DCLK1: variants seen among roughly 807,000 people sequenced by gnomAD.
DCLK1 encodes serine/threonine-protein kinase DCLK1.
DCLK1 carries 16 observed loss-of-function variants against 86.2 expected under a neutral mutation model. The observed-to-expected ratio is 0.19, with a 90% confidence interval of 0.13 to 0.28. The LOEUF is 0.28. DCLK1 is among the 10% of genes least tolerant of loss of function. DCLK1 has a pLI of 1.00. For synonymous variants in DCLK1, 369 were observed against 370.5 expected (o/e 1.00, Z 0.05); for missense variants, 590 against 940.2 (o/e 0.63, Z 4.87).
intron 5 of DCLK1, among the ~76,000 whole-genome samples, chr13:35,860,827 G>A (rs534802891): frequency 2.6e-5 from 4 of 152,318 alleles, no homozygotes; most frequent in East Asian, 1.9e-4. Context: ...TGGACAGCGA[G>A]GTGATCCGGG....
intron 3 of DCLK1, among the ~76,000 whole-genome samples, chr13:36,077,971 T>C (rs985264275): frequency 6.6e-6 from 1 of 152,234 alleles, no homozygotes; most frequent in Non-Finnish European, 1.5e-5. Flanking sequence ...TTTAGTAAGA[T>C]AGTCCTCTGG....
chr13:36,091,808 C>G (rs971074003), intron 3 of DCLK1, among the ~76,000 whole-genome samples: 1 of 152,182 alleles, frequency 6.6e-6, no homozygotes, highest in Non-Finnish European at 1.5e-5. Context: ...CGATAGCTAT[C>G]CATTTCCCCC....
In DCLK1 at chr13:35,822,719, T is replaced by C. The variant is rs1448536322; in HGVS notation, c.1554+10A>G. The C allele has an allele frequency of 5.6e-6, 9 of 1,614,102 alleles. No homozygotes were observed. Among genetic ancestry groups the C allele is most frequent in the Non-Finnish European group, 5.9e-6 (7 of 1,179,992 alleles). On this transcript the variant is annotated intron_variant, in intron 11 of 16. Coordinates refer to ENST00000360631, the MANE Select transcript of DCLK1 (RefSeq NM_001330071.2). ...AACTCAGGATGCCCTGTAGGTGGAA[T>C]TCCTCTTACCAGCAGGTTCTCTGGC...
At chr13:35,896,189 T>G (rs773667718) in intron 4 of DCLK1, among the ~76,000 whole-genome samples, 9 of 152,192 alleles carry the variant, frequency 5.9e-5, no homozygotes, top group Non-Finnish European at 1.2e-4. Context: ...CAGAGAGACT[T>G]TGCTTAGACT....
chr13:35,804,689 TC>T (rs764544266), intron 15 of DCLK1, among the ~76,000 whole-genome samples: 37 of 152,270 alleles, frequency 2.4e-4, no homozygotes, highest in Non-Finnish European at 5.0e-4. Flanking sequence ...GGCCTCAGCC[TC>T]CCAAAGTGCT....
At chr13:35,942,920 C>T (rs775965096) in intron 4 of DCLK1, among the ~76,000 whole-genome samples, 3 of 152,108 alleles carry the variant, frequency 2.0e-5, no homozygotes, top group Non-Finnish European at 2.9e-5. Context: ...AAGGACAGAT[C>T]CAAACAAATA....
At chr13:35,927,232 C>G (rs1566606421) in intron 4 of DCLK1, among the ~76,000 whole-genome samples, 1 of 152,212 alleles carries the variant, frequency 6.6e-6, no homozygotes, top group Admixed American at 6.5e-5. Flanking sequence ...GTCTACTCTA[C>G]AAGCAAATGA....
chr13:35,928,007 C>T (rs139314798), intron 4 of DCLK1, among the ~76,000 whole-genome samples: 4 of 152,310 alleles, frequency 2.6e-5, no homozygotes, highest in African/African-American at 9.6e-5. Flanking sequence ...CAGACCTTAC[C>T]CCTGTCTGTC....
At chr13:35,796,895 G>C (rs1292234179) in intron 15 of DCLK1, among the ~76,000 whole-genome samples, 1 of 152,180 alleles carries the variant, frequency 6.6e-6, no homozygotes, top group Non-Finnish European at 1.5e-5. Flanking sequence ...ACAAACCAGA[G>C]AATATTTGGA....
At chr13:35,961,248 G>C (rs1389557551) in intron 3 of DCLK1, among the ~76,000 whole-genome samples, 1 of 152,142 alleles carries the variant, frequency 6.6e-6, no homozygotes, top group African/African-American at 2.4e-5. Flanking sequence ...GACATGTCAG[G>C]CCCAATGCAA....
At chr13:36,062,432 A>C (rs1883585036) in intron 3 of DCLK1, among the ~76,000 whole-genome samples, 1 of 152,150 alleles carries the variant, frequency 6.6e-6, no homozygotes, top group Non-Finnish European at 1.5e-5. Flanking sequence ...ATCAAACACA[A>C]AACAGGTGGA....
At chr13:35,838,225 G>A (rs935025342) in intron 7 of DCLK1, among the ~76,000 whole-genome samples, 1 of 152,140 alleles carries the variant, frequency 6.6e-6, no homozygotes, top group East Asian at 1.9e-4. Flanking sequence ...AAATTCTGAA[G>A]TTGCATTGTA....
chr13:36,092,593 TCTC>T (rs1339811143), intron 3 of DCLK1, among the ~76,000 whole-genome samples: 1 of 147,628 alleles, frequency 6.8e-6, no homozygotes, highest in Non-Finnish European at 1.5e-5. Flanking sequence ...TTCACGCCAT[TCTC>T]CTGCCTCAGC....
At chr13:35,876,152 A>G (rs980910119) in intron 4 of DCLK1, among the ~76,000 whole-genome samples, 9 of 152,228 alleles carry the variant, frequency 5.9e-5, no homozygotes, top group Admixed American at 5.2e-4. Context: ...AATGTTTAGT[A>G]TATCAGAAAA....
intron 16 of DCLK1, among the ~76,000 whole-genome samples, chr13:35,786,237 A>G (rs1566530796): frequency 6.6e-6 from 1 of 152,168 alleles, no homozygotes; most frequent in Non-Finnish European, 1.5e-5. Context: ...AAATTTAGTA[A>G]TTTAATTTTC....
At chr13:35,787,678 G>A (rs1179882436) in intron 16 of DCLK1, among the ~76,000 whole-genome samples, 1 of 152,112 alleles carries the variant, frequency 6.6e-6, no homozygotes, top group African/African-American at 2.4e-5. Flanking sequence ...CAAAAAGGTG[G>A]AGAATTTGAA....
At chr13:36,022,310 AAAAG>A (rs1881818444) in intron 3 of DCLK1, among the ~76,000 whole-genome samples, 1 of 152,128 alleles carries the variant, frequency 6.6e-6, no homozygotes, top group South Asian at 2.1e-4. Flanking sequence ...TTACTTAAAA[AAAAG>A]AAAGATCTCA....
chr13:35,828,917 T>G (rs1336427949), intron 8 of DCLK1, among the ~76,000 whole-genome samples: 5 of 152,164 alleles, frequency 3.3e-5, no homozygotes, highest in Non-Finnish European at 7.3e-5. Flanking sequence ...TCTTTAGACC[T>G]CAGTTCAGTG....
chr13:35,778,982 C>A (rs2086475750), intron 16 of DCLK1, among the ~76,000 whole-genome samples: 1 of 151,934 alleles, frequency 6.6e-6, no homozygotes, highest in South Asian at 2.1e-4. Flanking sequence ...ATGAAATTAC[C>A]TCTCTTTCTC....
Sources: gnomAD v4.1 joint callset for allele counts (sites outside exome capture counted in the v4.1 genomes callset) on GRCh38, gnomAD v4.1.1 for gene constraint, MANE v1.5 for transcripts, NCBI Gene and HGNC (gene_info 2026-07-23, HGNC 2026-07-21) for gene names.